The following LCOR variants were observed in gnomAD, a reference collection of about 807,000 sequenced individuals.
LCOR encodes the protein ligand-dependent corepressor.
LCOR carries 14 observed loss-of-function variants against 64.4 expected under a neutral mutation model. The observed-to-expected ratio is 0.22, with a 90% CI of 0.14 to 0.34. LCOR has a LOEUF of 0.34. LCOR is among the 10% of genes least tolerant of loss of function. The probability of loss-of-function intolerance (pLI) is 1.00; values close to 1 mark genes in which losing one functional copy is unlikely to be tolerated. For missense variants in LCOR, 1,686 were observed against 1,765.3 expected (o/e 0.96, Z 0.80); for synonymous variants, 643 against 642.5 (o/e 1.00, Z -0.01).
chr10:96,846,192 G>A (rs1351060906), intron 2 of LCOR, among the ~76,000 whole-genome samples: 1 of 152,096 alleles, frequency 6.6e-6, no homozygotes, highest in African/African-American at 2.4e-5. Flanking sequence ...GGACTACACA[G>A]CAAGACTCTA....
At chr10:96,921,946 C>G (rs1847088913) in intron 4 of LCOR, among the ~76,000 whole-genome samples, 1 of 152,222 alleles carries the variant, frequency 6.6e-6, no homozygotes, top group African/African-American at 2.4e-5. Context: ...TGTCTACTAG[C>G]ACCACATTCT....
intron 4 of LCOR, among the ~76,000 whole-genome samples, chr10:96,910,477 A>G (rs919793095): frequency 6.6e-6 from 1 of 152,244 alleles, no homozygotes; most frequent in Non-Finnish European, 1.5e-5. Flanking sequence ...TGTCAGATTT[A>G]CAGTATTTCT....
chr10:96,935,458 CTATTT>C (rs1000393119), intron 4 of LCOR, among the ~76,000 whole-genome samples: 10 of 152,070 alleles, frequency 6.6e-5, no homozygotes, highest in African/African-American at 2.2e-4. Context: ...CATCTCCTGG[CTATTT>C]TATTAGCTCT....
At chr10:96,867,051 A>G (rs1845986548) in intron 2 of LCOR, among the ~76,000 whole-genome samples, 2 of 151,692 alleles carry the variant, frequency 1.3e-5, no homozygotes, top group Admixed American at 1.3e-4. Context: ...CAGTGGCGCA[A>G]TCTCGGCTCA....
intron 1 of LCOR, 45 bp downstream of exon 1, chr10:96,832,444 C>T: frequency 3.8e-6 from 3 of 793,922 alleles, no homozygotes; most frequent in Non-Finnish European, 4.6e-6. Context: ...GCCGCCCCGC[C>T]GCCGGTCGCC....
chr10:96,916,893 G>A (rs1846961298), intron 4 of LCOR, among the ~76,000 whole-genome samples: 1 of 152,208 alleles, frequency 6.6e-6, no homozygotes, highest in African/African-American at 2.4e-5. Flanking sequence ...GGGATTACAG[G>A]CGTGAGCCAC....
chr10:96,984,486 T>C lies in LCOR; in HGVS notation c.4026T>C (p.Ser1342=). Reference sequence around the variant, plus strand: ...GCCCAGATGCTCTGGCTGTGGAAAGTAAGCCAAGTCGTAAGAGCGTATGCA... The same window carrying C: ...GCCCAGATGCTCTGGCTGTGGAAAGCAAGCCAAGTCGTAAGAGCGTATGCA... The part of the protein sequence containing the change: ...MECPDALAVE[S]KPSRKSVCIN... The change falls in exon 8 of 8, where the codon AGT becomes AGC. Residue 1342 remains serine (S), a synonymous_variant. Coordinates refer to ENST00000421806, the MANE Select transcript of LCOR (RefSeq NM_001346516.2). 6.2e-7 allele frequency: 1 copy of C among 1,614,184 alleles called. No individual in the cohort carries two copies. Among genetic ancestry groups the C allele is most frequent in the Non-Finnish European group, 8.5e-7 (1 of 1,180,034 alleles).
intron 2 of LCOR, among the ~76,000 whole-genome samples, chr10:96,873,119 G>A (rs897474883): frequency 2.6e-5 from 4 of 152,112 alleles, no homozygotes; most frequent in Non-Finnish European, 5.9e-5. Flanking sequence ...TAAAAATGGG[G>A]TTACATTATA....
intron 7 of LCOR, among the ~76,000 whole-genome samples, chr10:96,964,680 G>A (rs1434844790): frequency 3.3e-5 from 5 of 151,946 alleles, no homozygotes; most frequent in East Asian, 3.9e-4. Flanking sequence ...ATACCTCGGC[G>A]CTCAGATTAC....
chr10:96,981,451 G>A lies in LCOR; in HGVS notation c.991G>A (p.Glu331Lys). The change falls in exon 8 of 8, where the codon GAG (glutamate) becomes AAG (lysine). Residue 331 changes from glutamate (E) to lysine (K), a missense_variant. Glu to Lys is a moderately conservative substitution (Grantham distance 56). Around this residue, in one of 3 missense-constraint regions of LCOR, gnomAD observed 313 missense variants for 247.2 expected, o/e 1.27. Coordinates refer to ENST00000421806, the MANE Select transcript of LCOR (RefSeq NM_001346516.2). Reference protein sequence around the residue: ...ITVKMAAENSEEGNTCIIPQR... With the variant: ...ITVKMAAENSKEGNTCIIPQR... ...AGTAAAAATGGCAGCTGAGAATAGT[G>A]AGGAAGGCAATACCTGTATTATTCC... 6.2e-7 allele frequency: 1 copy of A among 1,614,206 alleles called. No individual in the cohort carries two copies. Among genetic ancestry groups the A allele is most frequent in the South Asian group, 1.1e-5 (1 of 91,076 alleles).
intron 4 of LCOR, among the ~76,000 whole-genome samples, chr10:96,937,512 A>AT (rs1375166760): frequency 1.3e-5 from 2 of 152,096 alleles, no homozygotes; most frequent in South Asian, 2.1e-4. Flanking sequence ...TGGTATATAT[A>AT]TTTTTTCTTT....
At chr10:96,842,445 G>C (rs1848591231) in intron 2 of LCOR, among the ~76,000 whole-genome samples, 1 of 152,016 alleles carries the variant, frequency 6.6e-6, no homozygotes, top group African/African-American at 2.4e-5. Context: ...GGGATCTATA[G>C]AATGTATCCT....
intron 2 of LCOR, among the ~76,000 whole-genome samples, chr10:96,901,332 A>G (rs926280635): frequency 2.6e-5 from 4 of 152,144 alleles, no homozygotes; most frequent in East Asian, 1.9e-4. Context: ...AGCTCTCCAT[A>G]CATGTTTAGC....
chr10:96,916,837 A>T (rs1846960122), intron 4 of LCOR, among the ~76,000 whole-genome samples: 1 of 151,292 alleles, frequency 6.6e-6, no homozygotes, highest in Non-Finnish European at 1.5e-5. Flanking sequence ...CTGGTCTTGA[A>T]CTCCTGACCT....
intron 2 of LCOR, among the ~76,000 whole-genome samples, chr10:96,860,147 C>A (rs1478169533): frequency 6.6e-6 from 1 of 152,168 alleles, no homozygotes; most frequent in Non-Finnish European, 1.5e-5. Flanking sequence ...GAATCTAGAT[C>A]TAATTTTGAA....
At chr10:96,946,825 C>T (rs1168714746) in intron 5 of LCOR, among the ~76,000 whole-genome samples, 1 of 152,088 alleles carries the variant, frequency 6.6e-6, no homozygotes, top group African/African-American at 2.4e-5. Flanking sequence ...ATCTTTGACT[C>T]TTCACAGAGC....
chr10:96,930,544 C>T (rs945786032), intron 4 of LCOR, among the ~76,000 whole-genome samples: 11 of 152,174 alleles, frequency 7.2e-5, no homozygotes, highest in African/African-American at 2.7e-4. Flanking sequence ...TTTCTCTCAG[C>T]AGTGTTTTTA....
Position 96,988,053 on chromosome 10 carries a change from G to C in LCOR, c.*2919G>C, listed in dbSNP as rs1464408220. 6.6e-6 allele frequency: 1 copy of C among 152,312 alleles called. No homozygotes were observed. Among genetic ancestry groups the C allele is most frequent in the African/African-American group, 2.4e-5 (1 of 41,458 alleles). 9.4% of individuals were successfully genotyped at this position (152,312 alleles called of 1,614,324 possible). A position where few individuals can be genotyped will look rare whatever the true frequency, so the allele number is the denominator to read the frequency against. On this transcript the variant is annotated 3_prime_UTR_variant, in exon 8 of 8. Coordinates refer to ENST00000421806, the MANE Select transcript of LCOR (RefSeq NM_001346516.2). ...GACACTGGTATTCTCTGAGTTTCTG[G>C]AGAAGCTGGAAGATGCCTGGGAAGC...
At chr10:96,960,835 CTCTT>C (rs1168185957) in intron 7 of LCOR, 5 of 152,108 alleles carry the variant, frequency 3.3e-5, no homozygotes, top group Non-Finnish European at 5.9e-5. Context: ...GATCTCCAGG[CTCTT>C]TCTTCTCAGT....
Sources: gnomAD v4.1 joint callset for allele counts (sites outside exome capture counted in the v4.1 genomes callset) on GRCh38, gnomAD v4.1.1 for gene constraint, gnomAD v4.1.1 regional missense constraint, MANE v1.5 for transcripts, NCBI Gene and HGNC (gene_info 2026-07-23, HGNC 2026-07-21) for gene names.